The following CTNNA3 variants were observed in gnomAD, a reference collection of about 807,000 sequenced individuals.
CTNNA3 encodes the protein catenin alpha 3.
CTNNA3 carries 76 observed loss-of-function variants against 95.7 expected under a neutral mutation model. The ratio of observed to expected loss-of-function variants is 0.79; its 90% confidence interval spans 0.66 to 0.96. The LOEUF is 0.96. Among genes scored for constraint, CTNNA3 ranks in the 40% least tolerant of loss-of-function variants. CTNNA3 has a pLI of 0.00. For synonymous variants in CTNNA3, 431 were observed against 374.4 expected (o/e 1.15, Z -1.74); for missense variants, 1,191 against 1,089.8 (o/e 1.09, Z -1.31).
chr10:66,207,661 A>T (rs1187283905), intron 13 of CTNNA3, among the ~76,000 whole-genome samples: 1 of 152,064 alleles, frequency 6.6e-6, no homozygotes, highest in African/African-American at 2.4e-5. Flanking sequence ...TACATTGTGA[A>T]GCTAATTATG....
At chr10:67,543,684 A>G (rs1200951971) in intron 3 of CTNNA3, among the ~76,000 whole-genome samples, 13 of 152,178 alleles carry the variant, frequency 8.5e-5, no homozygotes, top group Admixed American at 8.5e-4. Context: ...CAAATACATC[A>G]TGGTAAAAGG....
At chr10:66,341,037 C>G (rs2092448703) in intron 12 of CTNNA3, among the ~76,000 whole-genome samples, 1 of 151,778 alleles carries the variant, frequency 6.6e-6, no homozygotes, top group Admixed American at 6.6e-5. Context: ...TTATAATGGG[C>G]AAGTGGATAC....
chr10:66,599,807 T>C (rs968975275), intron 10 of CTNNA3, among the ~76,000 whole-genome samples: 3 of 151,908 alleles, frequency 2.0e-5, no homozygotes, highest in Non-Finnish European at 4.4e-5. Flanking sequence ...TGGCCTCCAC[T>C]TACCACCAAC....
chr10:66,693,649 A>G (rs1378804950), intron 9 of CTNNA3, among the ~76,000 whole-genome samples: 1 of 152,104 alleles, frequency 6.6e-6, no homozygotes, highest in Non-Finnish European at 1.5e-5. Flanking sequence ...CCAAATCAAC[A>G]GAATATACAT....
At chr10:67,047,096 G>T (rs1339415860) in intron 7 of CTNNA3, among the ~76,000 whole-genome samples, 1 of 152,088 alleles carries the variant, frequency 6.6e-6, no homozygotes, top group African/African-American at 2.4e-5. Flanking sequence ...TTTAGACAGA[G>T]GACAATGAAG....
chr10:66,984,104 T>C lies in CTNNA3; in HGVS notation c.1047+196213A>G, dbSNP rs1377113930. The stretch of plus-strand genomic sequence containing the variant: ...TGTTCATTCCATCAGTAAATAGTTA[T>C]TGAGCACCTAACACATGCCAGGTAC... On this transcript the variant is annotated intron_variant, in intron 7 of 17. Coordinates refer to ENST00000433211, the MANE Select transcript of CTNNA3 (RefSeq NM_013266.4). Among the ~76,000 whole-genome samples, 3 of 152,180 alleles carry C rather than the reference T, an allele frequency of 2.0e-5. No homozygotes were observed. In the East Asian group the frequency reaches 5.8e-4, roughly 29 times the overall value.
At position 65,918,963 on chromosome 10, in the gene CTNNA3, C is replaced by G. The variant is rs904842783; in HGVS notation, c.*1367G>C. 10 of 151,970 alleles carry G rather than the reference C, an allele frequency of 6.6e-5. No homozygotes were observed. The highest frequency in any genetic ancestry group is 2.4e-4 in the African/African-American group (10 of 41,390). The allele number at this position is 151,970 out of a possible 1,614,324, so 9.4% of individuals were successfully genotyped here. On this transcript the variant is annotated 3_prime_UTR_variant, in exon 18 of 18. Transcript: ENST00000433211. Reference sequence around the variant, plus strand: ...AGGTTACATCGTTGCTGAGACGCCTCTCATCAATGGCAATGTTTTAGAAGT... The same window carrying G: ...AGGTTACATCGTTGCTGAGACGCCTGTCATCAATGGCAATGTTTTAGAAGT...
At chr10:67,243,905 T>C (rs993275283) in intron 5 of CTNNA3, among the ~76,000 whole-genome samples, 1 of 152,124 alleles carries the variant, frequency 6.6e-6, no homozygotes, top group Non-Finnish European at 1.5e-5. Context: ...AAATCATGAG[T>C]TCCTCCTGAG....
intron 1 of CTNNA3, among the ~76,000 whole-genome samples, chr10:67,682,871 T>C (rs906368629): frequency 6.6e-6 from 1 of 152,156 alleles, no homozygotes; most frequent in Non-Finnish European, 1.5e-5. Context: ...TAAATTCTGC[T>C]ACATACACAG....
At chr10:67,562,563 C>A (rs1369065638) in intron 3 of CTNNA3, among the ~76,000 whole-genome samples, 1 of 152,194 alleles carries the variant, frequency 6.6e-6, no homozygotes, top group Non-Finnish European at 1.5e-5. Context: ...GAAGCATTCC[C>A]TTTGAAAACT....
intron 5 of CTNNA3, among the ~76,000 whole-genome samples, chr10:67,451,703 A>G (rs73266282): frequency 0.011 from 1,668 of 152,304 alleles, 20 homozygotes; most frequent in African/African-American, 0.039. Context: ...CTTTTCAACT[A>G]GAATTTGATA....
intron 9 of CTNNA3, among the ~76,000 whole-genome samples, chr10:66,672,860 A>C (rs1564609818): frequency 6.6e-6 from 1 of 152,134 alleles, no homozygotes; most frequent in East Asian, 1.9e-4. Context: ...AAAGCTCTTA[A>C]GATTGATCAG....
intron 7 of CTNNA3, among the ~76,000 whole-genome samples, chr10:66,900,922 A>T (rs1317388405): frequency 1.3e-5 from 2 of 152,220 alleles, no homozygotes; most frequent in African/African-American, 4.8e-5. Flanking sequence ...TGAAAGTGAC[A>T]CGGAGAATGG....
intron 1 of CTNNA3, among the ~76,000 whole-genome samples, chr10:67,689,603 G>T (rs1273271110): frequency 6.6e-6 from 1 of 152,148 alleles, no homozygotes; most frequent in Non-Finnish European, 1.5e-5. Flanking sequence ...TGGGTGACAT[G>T]ATTTTGAGAG....
chr10:66,273,380 C>T (rs1049251771), intron 13 of CTNNA3, among the ~76,000 whole-genome samples: 3 of 152,036 alleles, frequency 2.0e-5, no homozygotes, highest in Non-Finnish European at 2.9e-5. Context: ...GAAGAGTGCA[C>T]GATTTAAAAC....
chr10:66,725,238 T>C (rs1848744387), intron 9 of CTNNA3, among the ~76,000 whole-genome samples: 2 of 152,130 alleles, frequency 1.3e-5, no homozygotes. Flanking sequence ...ATGGAACCCA[T>C]AGATACTAAG....
chr10:67,493,560 T>TAAAAAAAAAA (rs1838931750), intron 5 of CTNNA3, among the ~76,000 whole-genome samples: 3 of 108,522 alleles, frequency 2.8e-5, no homozygotes, highest in African/African-American at 1.6e-4. Flanking sequence ...AGACTCTGTC[T>TAAAAAAAAAA]CAAAAAAAAA....
At chr10:66,033,742 C>A (rs1401321314) in intron 15 of CTNNA3, among the ~76,000 whole-genome samples, 2 of 152,038 alleles carry the variant, frequency 1.3e-5, no homozygotes, top group Non-Finnish European at 2.9e-5. Flanking sequence ...CTGATTGAAA[C>A]CTTAAGGCTG....
rs201244618 is a variant in CTNNA3, at chr10:66,960,481, TTAGAG to T, written c.1048-184962_1048-184958del. 3.3e-3 allele frequency among the ~76,000 whole-genome samples: 507 copies of T among 152,258 alleles called. 5 individuals are homozygous for T. The highest frequency in any genetic ancestry group is 6.9e-3 in the East Asian group (36 of 5,184). On this transcript the variant is annotated intron_variant, in intron 7 of 17. Transcript: ENST00000433211. Reference sequence around the variant, plus strand: ...AAGTAGTTAAGAACTTCAAAAAGTTTTAGAGTAGAGAACTAATTACTAATTACAAT... The same window carrying T: ...AAGTAGTTAAGAACTTCAAAAAGTTTTAGAGAACTAATTACTAATTACAAT...
Sources: gnomAD v4.1 joint callset for allele counts (sites outside exome capture counted in the v4.1 genomes callset) on GRCh38, gnomAD v4.1.1 for gene constraint, MANE v1.5 for transcripts, NCBI Gene and HGNC (gene_info 2026-07-23, HGNC 2026-07-21) for gene names.